SLC35B3: variants seen among roughly 807,000 people sequenced by gnomAD.
SLC35B3 encodes the protein solute carrier family 35 member B3.
SLC35B3 carries 35 observed loss-of-function variants against 44.1 expected under a neutral mutation model. That is an observed-to-expected ratio of 0.79 (90% CI 0.61 to 1.05). The LOEUF is 1.05. Among genes scored for constraint, SLC35B3 ranks in the 50% least tolerant of loss-of-function variants. The probability of loss-of-function intolerance (pLI) is 0.00; values close to 1 mark genes in which losing one functional copy is unlikely to be tolerated. For missense variants in SLC35B3, 414 were observed against 476.4 expected, an observed-to-expected ratio of 0.87 and a Z score of 1.22; for synonymous variants, 146 against 167.3, an observed-to-expected ratio of 0.87 and a Z score of 0.98.
rs767415866 is a variant in SLC35B3 at position 8,430,036 on chromosome 6, T to G, written c.125A>C (p.Lys42Thr). Reference sequence around the variant, plus strand: ...GGATGGCACAGTGATAGAAATATATTTCCTGGAATTGTTGAACTTGAGATC... The same window carrying G: ...GGATGGCACAGTGATAGAAATATATGTCCTGGAATTGTTGAACTTGAGATC... Residue 42 changes from lysine to threonine, a missense_variant, in exon 3 of 11, where the codon AAA (lysine) becomes ACA (threonine). By Grantham distance (78) the Lys-to-Thr change is moderately conservative. Transcript: ENST00000644923. 1.2e-6 allele frequency: 2 copies of G among 1,614,036 alleles called. No homozygotes were observed. The highest frequency in any genetic ancestry group is 4.5e-5 in the East Asian group (2 of 44,858).
At position 8,434,832 on chromosome 6, in the gene SLC35B3, C is replaced by T. The variant is rs1195712794; in HGVS notation, c.-43-402G>A. On this transcript the variant is annotated intron_variant, in intron 1 of 10. Coordinates refer to ENST00000644923, the MANE Select transcript of SLC35B3 (RefSeq NM_001370476.2). The surrounding 1 kb of genome is among the most constrained non-coding windows in gnomAD (Gnocchi z 6.3). ...AAAGACGGGAGAGATAATTCAGTTG[C>T]AAAGACTGGAGGAAACTTGCAGAAC... 2.0e-5 allele frequency among the ~76,000 whole-genome samples: 3 copies of T among 152,126 alleles called. No homozygotes were observed. Among genetic ancestry groups the T allele is most frequent in the Admixed American group, 6.5e-5 (1 of 15,280 alleles).
rs1350026650 is a variant in SLC35B3 at position 8,434,048 on chromosome 6, A to T, written c.3+337T>A. ...GTGAAACTAAAATATATATATATAT[A>T]TTTTAAAAATCACAGGTGTGTATAA... On this transcript the variant is annotated intron_variant, in intron 2 of 10. Coordinates refer to ENST00000644923, the MANE Select transcript of SLC35B3 (RefSeq NM_001370476.2). The surrounding 1 kb of genome is among the most constrained non-coding windows in gnomAD (Gnocchi z 6.3). 6.6e-6 allele frequency among the ~76,000 whole-genome samples: 1 copy of T among 150,952 alleles called. No individual in the cohort carries two copies. Among genetic ancestry groups the T allele is most frequent in the East Asian group, 1.9e-4 (1 of 5,158 alleles).
At chr6:8,421,762 T>A (rs1581244610) in intron 5 of SLC35B3, among the ~76,000 whole-genome samples, 1 of 152,128 alleles carries the variant, frequency 6.6e-6, no homozygotes, top group African/African-American at 2.4e-5. Context: ...TTTACTTCAA[T>A]ATGAGAACTG....
At chr6:8,430,775 G>A (rs1178366637) in intron 2 of SLC35B3, among the ~76,000 whole-genome samples, 7 of 152,102 alleles carry the variant, frequency 4.6e-5, no homozygotes, top group Non-Finnish European at 1.0e-4. Context: ...GTGCATGCCT[G>A]TAGTCCTAGC....
In SLC35B3 at chr6:8,435,114, C is replaced by A. The variant is rs1281910128; in HGVS notation, c.-44+229G>T. On this transcript the variant is annotated intron_variant, in intron 1 of 10. Coordinates refer to ENST00000644923, the MANE Select transcript of SLC35B3 (RefSeq NM_001370476.2). This position sits in a 1 kb window ranked among gnomAD's most constrained non-coding sequence, Gnocchi z 5.5. ...ACGGATTGGGACCTGAGGGAGTTCT[C>A]GCCAGCCCGAGGGCGAAAAACGGGC... The A allele has an allele frequency of 8.0e-7, 1 of 1,255,222 alleles. No homozygotes were observed. Among genetic ancestry groups the A allele is most frequent in the East Asian group, 5.6e-5 (1 of 17,850 alleles). 77.8% of individuals were successfully genotyped at this position (1,255,222 alleles called of 1,614,324 possible).
intron 4 of SLC35B3, among the ~76,000 whole-genome samples, chr6:8,426,039 G>A (rs6927105): frequency 0.51 from 77,087 of 152,044 alleles, 20,682 homozygotes; most frequent in African/African-American, 0.7. Flanking sequence ...TTTCTCTAAT[G>A]CTTAAGAACG....
intron 9 of SLC35B3, among the ~76,000 whole-genome samples, chr6:8,415,301 AGCTATGATTAGCTAGAGGC>A: frequency 6.6e-6 from 1 of 152,218 alleles, no homozygotes; most frequent in Middle Eastern, 3.2e-3. Context: ...TTCCTATGGA[AGCTATGATTAGCTAGAGGC>A]AGGGGTTATT....
At chr6:8,427,254 T>C (rs1232804755) in intron 4 of SLC35B3, among the ~76,000 whole-genome samples, 1 of 151,928 alleles carries the variant, frequency 6.6e-6, no homozygotes, top group Admixed American at 6.6e-5. Context: ...CCCAAGACAA[T>C]GGGGAAAATG....
chr6:8,419,825 T>A lies in SLC35B3; in HGVS notation c.683-148A>T, dbSNP rs1762735652. On this transcript the variant is annotated intron_variant, in intron 6 of 10. Transcript: ENST00000644923. The surrounding 1 kb of genome is among the most constrained non-coding windows in gnomAD (Gnocchi z 4.3). ...TGTTCGGTAATCCAGAATATTCTTA[T>A]TCACAATCGGTTGTAACAAGTACAT... 1 of 485,452 alleles carries A rather than the reference T, an allele frequency of 2.1e-6. No individual in the cohort carries two copies. Among genetic ancestry groups the A allele is most frequent in the Non-Finnish European group, 3.8e-6 (1 of 264,764 alleles). 30.1% of individuals were successfully genotyped at this position (485,452 alleles called of 1,614,324 possible). A position where few individuals can be genotyped will look rare whatever the true frequency, so the allele number is the denominator to read the frequency against.
At position 8,417,484 on chromosome 6, in the gene SLC35B3, G is replaced by T; in HGVS notation, c.791C>A (p.Ser264Ter). ...AATGTATACAAAACCAATTGAATACGAATACAATACCTAGAGCAGATAAAA... is the reference window on the plus strand; with the variant it reads ...AATGTATACAAAACCAATTGAATACTAATACAATACCTAGAGCAGATAAAA... Residue 264 changes from serine to a stop codon, truncating the protein, a stop_gained, in exon 8 of 11, where the codon TCG becomes TAG. Coordinates refer to ENST00000644923, the MANE Select transcript of SLC35B3 (RefSeq NM_001370476.2). LOFTEE classifies it high-confidence loss of function. 6.3e-7 allele frequency: 1 copy of T among 1,582,572 alleles called. No individual in the cohort carries two copies. Among genetic ancestry groups the T allele is most frequent in the Non-Finnish European group, 8.6e-7 (1 of 1,160,316 alleles).
rs1165905853 is a variant in SLC35B3 at position 8,420,728 on chromosome 6, G to A, written c.675C>T (p.Asn225=). 6.2e-7 allele frequency: 1 copy of A among 1,610,292 alleles called. No individual in the cohort carries two copies. Among genetic ancestry groups the A allele is most frequent in the African/African-American group, 1.3e-5 (1 of 74,850 alleles). Reference sequence around the variant, plus strand: ...TATAAATAAATTACTTACCCGTCAGGTTGAAATTTGGTGCAGTTGTGCTGT... The same window carrying A: ...TATAAATAAATTACTTACCCGTCAGATTGAAATTTGGTGCAGTTGTGCTGT... Residue 225 remains asparagine, a synonymous_variant, in exon 6 of 11, where the codon AAC becomes AAT. Coordinates refer to ENST00000644923, the MANE Select transcript of SLC35B3 (RefSeq NM_001370476.2). The surrounding 1 kb of genome is among the most constrained non-coding windows in gnomAD (Gnocchi z 4.4).
At chr6:8,417,041 C>G (rs182676269) in intron 8 of SLC35B3, 46 bp from the exon 8 acceptor site, 1 of 1,000,362 alleles carries the variant, frequency 1.0e-6, no homozygotes, top group Non-Finnish European at 1.5e-6. Flanking sequence ...AAACAAACTC[C>G]GAGGTATTAC....
chr6:8,430,309 AAAC>A, intron 2 of SLC35B3, 152 bp from the exon 2 acceptor site: 1 of 657,496 alleles, frequency 1.5e-6, no homozygotes, highest in East Asian at 2.9e-5. Flanking sequence ...AAATCACCAA[AAAC>A]AATATGCCTA....
intron 10 of SLC35B3, 152 bp downstream of exon 9, chr6:8,414,756 A>G (rs1357793073): frequency 1.4e-5 from 6 of 428,650 alleles, no homozygotes; most frequent in South Asian, 1.2e-4. Context: ...TTTATAAAGC[A>G]TAACAGGAAA....
intron 8 of SLC35B3, 133 bp downstream of exon 7, chr6:8,417,268 AT>A: frequency 1.5e-6 from 1 of 645,924 alleles, no homozygotes; most frequent in Non-Finnish European, 2.7e-6. Context: ...TCTGAAATTA[AT>A]TTCCGATTGG....
chr6:8,424,258 A>AT (rs1285904776), intron 4 of SLC35B3, among the ~76,000 whole-genome samples: 48 of 151,814 alleles, frequency 3.2e-4, no homozygotes, highest in Admixed American at 3.0e-3. Context: ...ATGGGGAGAA[A>AT]ATTTTTTTTT....
chr6:8,415,800 C>T (rs1442771945), intron 9 of SLC35B3, among the ~76,000 whole-genome samples: 2 of 152,084 alleles, frequency 1.3e-5, no homozygotes, highest in Non-Finnish European at 2.9e-5. Flanking sequence ...TCCCTCTTCT[C>T]CTGCTACTAG....
Position 8,432,585 on chromosome 6 carries a change from T to C in SLC35B3, c.3+1800A>G, listed in dbSNP as rs1026537276. ...GTTCAAGATCTGGCTTTACTACTTA[T>C]TAGCTGAGGAGCCTTGGGCAAATCG... is the stretch of plus-strand genomic sequence containing the variant. On this transcript the variant is annotated intron_variant, in intron 2 of 10. Coordinates refer to ENST00000644923, the MANE Select transcript of SLC35B3 (RefSeq NM_001370476.2). The surrounding 1 kb of genome is among the most constrained non-coding windows in gnomAD (Gnocchi z 4.8). 1.3e-5 allele frequency among the ~76,000 whole-genome samples: 2 copies of C among 152,176 alleles called. No individual in the cohort carries two copies. Among genetic ancestry groups the C allele is most frequent in the African/African-American group, 4.8e-5 (2 of 41,440 alleles).
Position 8,419,759 on chromosome 6 carries a change from T to A in SLC35B3, c.683-82A>T. Reference sequence around the variant, plus strand: ...ACTATAATCAAGCTTTATCAGAAATTTCATTGGTCTAAAAAACAAAAGCAG... The same window carrying A: ...ACTATAATCAAGCTTTATCAGAAATATCATTGGTCTAAAAAACAAAAGCAG... On this transcript the variant is annotated intron_variant, in intron 6 of 10. Transcript: ENST00000644923. This position sits in a 1 kb window ranked among gnomAD's most constrained non-coding sequence, Gnocchi z 4.3. The A allele has an allele frequency of 5.4e-6, 4 of 745,312 alleles. No individual in the cohort carries two copies. Among genetic ancestry groups the A allele is most frequent in the Non-Finnish European group, 8.3e-6 (4 of 481,354 alleles). The allele number at this position is 745,312 out of a possible 1,614,324, so 46.2% of individuals were successfully genotyped here.
Sources: gnomAD v4.1 joint callset for allele counts (sites outside exome capture counted in the v4.1 genomes callset) on GRCh38, gnomAD v4.1.1 for gene constraint, Gnocchi (gnomAD v3.1) non-coding constraint, MANE v1.5 for transcripts, NCBI Gene and HGNC (gene_info 2026-07-23, HGNC 2026-07-21) for gene names.